Variants in VPS13B observed in about 807,000 individuals in gnomAD.
The protein encoded by VPS13B is vacuolar protein sorting 13 homolog B, also known as intermembrane lipid transfer protein VPS13B.
A neutral mutation model predicts 426.4 loss-of-function variants in VPS13B; 285 were observed. The observed-to-expected ratio is 0.67, with a 90% CI of 0.61 to 0.74. The LOEUF is 0.74. Among genes scored for constraint, VPS13B ranks in the 30% least tolerant of loss-of-function variants. VPS13B has a pLI of 0.00. For synonymous variants in VPS13B, 1,676 were observed against 1,676.4 expected (o/e 1.00, Z 0.01); for missense variants, 4,537 against 4,782.6 (o/e 0.95, Z 1.51).
At chr8:99,862,020 A>G (rs887295602) in intron 58 of VPS13B, 74 bp downstream of exon 58, 6 of 1,483,458 alleles carry the variant, frequency 4.0e-6, no homozygotes, top group Non-Finnish European at 4.5e-6. Flanking sequence ...GGACTGGGCA[A>G]CTTCGCCTTC....
chr8:99,418,748 C>T (rs1210529118), intron 21 of VPS13B, among the ~76,000 whole-genome samples: 6 of 151,962 alleles, frequency 3.9e-5, no homozygotes, highest in Non-Finnish European at 4.4e-5. Context: ...ATGAAATTTT[C>T]GGAATAAAGG....
At chr8:99,233,220 G>T in intron 17 of VPS13B, 1 of 1,292,878 alleles carries the variant, frequency 7.7e-7, no homozygotes. Flanking sequence ...GAGGCACAAT[G>T]ATTTCTGCAC....
intron 16 of VPS13B, among the ~76,000 whole-genome samples, chr8:99,181,173 A>G (rs573442710): frequency 9.1e-4 from 139 of 152,356 alleles, no homozygotes; most frequent in African/African-American, 3.2e-3. Flanking sequence ...TGTTACACTC[A>G]TACCAGTTAG....
At chr8:99,100,542 G>A (rs1846678090) in intron 4 of VPS13B, among the ~76,000 whole-genome samples, 1 of 151,922 alleles carries the variant, frequency 6.6e-6, no homozygotes, top group South Asian at 2.1e-4. Flanking sequence ...TGTCTGCTTC[G>A]GCCTCCCAAA....
At chr8:99,696,557 C>T in intron 35 of VPS13B, 1 of 509,230 alleles carries the variant, frequency 2.0e-6, no homozygotes, top group Admixed American at 2.9e-5. Context: ...TGAAGCTCTT[C>T]CCCAGCATGC....
In VPS13B at chr8:99,121,261, AG is replaced by A; in HGVS notation, c.1023del (p.Gln341HisfsTer17). The A allele has an allele frequency of 1.2e-6, 2 of 1,614,206 alleles. No homozygotes were observed. Among genetic ancestry groups the A allele is most frequent in the Non-Finnish European group, 1.7e-6 (2 of 1,180,026 alleles). On this transcript the variant is annotated frameshift_variant, in exon 8 of 62. Coordinates refer to ENST00000357162, the MANE Select transcript of VPS13B (RefSeq NM_152564.5). LOFTEE classifies it high-confidence loss of function. ...TTATATTCACAGCAAGATGAGGAGCAGCCACAGGGATGGGTGTCATGGGCCT... is the reference window on the plus strand; with the variant it reads ...TTATATTCACAGCAAGATGAGGAGCACCACAGGGATGGGTGTCATGGGCCT... ...QELYSQQDEE[Q>X]PQGWVSWAWS...
chr8:99,536,895 A>T (rs1156243608), intron 30 of VPS13B: 2 of 466,010 alleles, frequency 4.3e-6, no homozygotes, highest in Non-Finnish European at 8.9e-6. Flanking sequence ...AGGGAAAAAA[A>T]GTAACATGCA....
chr8:99,016,739 C>T (rs1377433244), intron 2 of VPS13B, among the ~76,000 whole-genome samples: 7 of 151,646 alleles, frequency 4.6e-5, no homozygotes, highest in South Asian at 2.1e-4. Flanking sequence ...TGCAGGCGCC[C>T]GCCACCATGC....
intron 19 of VPS13B, among the ~76,000 whole-genome samples, chr8:99,288,892 T>G (rs1212842870): frequency 6.6e-6 from 1 of 152,040 alleles, no homozygotes; most frequent in Non-Finnish European, 1.5e-5. Context: ...AGATATTGAT[T>G]GTCATAGTTA....
rs190436302 is a variant in VPS13B at position 99,755,715 on chromosome 8, G to T, written c.7051-11059G>T. Reference sequence around the variant, plus strand: ...AGCCAGGAGGCAGAGGTTGCAGTGAGCCAAGATCGTGCCACTGCCCTGCAG... The same window carrying T: ...AGCCAGGAGGCAGAGGTTGCAGTGATCCAAGATCGTGCCACTGCCCTGCAG... On this transcript the variant is annotated intron_variant, in intron 39 of 61. Coordinates refer to ENST00000357162, the MANE Select transcript of VPS13B (RefSeq NM_152564.5). Among the ~76,000 whole-genome samples the T allele has an allele frequency of 1.4e-4, 22 of 152,260 alleles. 1 individual carries two copies. The East Asian group carries it at 4.2e-3, about 29-fold the overall frequency.
intron 17 of VPS13B, among the ~76,000 whole-genome samples, chr8:99,202,119 A>G (rs968799468): frequency 2.6e-5 from 4 of 152,234 alleles, no homozygotes; most frequent in Non-Finnish European, 4.4e-5. Context: ...CTGAGATAAC[A>G]ACAGTCAGAA....
intron 3 of VPS13B, among the ~76,000 whole-genome samples, chr8:99,058,348 C>A (rs1487865775): frequency 6.6e-6 from 1 of 150,678 alleles, no homozygotes; most frequent in African/African-American, 2.4e-5. Flanking sequence ...TATGAAAACC[C>A]TAAAATCTAT....
chr8:99,564,372 G>A (rs190059073), intron 31 of VPS13B, among the ~76,000 whole-genome samples: 3 of 152,260 alleles, frequency 2.0e-5, no homozygotes, highest in Admixed American at 2.0e-4. Context: ...ACTTGACCTG[G>A]TTAAAAACTT....
At chr8:99,417,642 C>G (rs1295357247) in intron 21 of VPS13B, among the ~76,000 whole-genome samples, 2 of 152,126 alleles carry the variant, frequency 1.3e-5, no homozygotes, top group Non-Finnish European at 2.9e-5. Flanking sequence ...CTATATATAA[C>G]TTGAACATTG....
chr8:99,380,172 T>G (rs1348535096), intron 19 of VPS13B, among the ~76,000 whole-genome samples: 1 of 152,176 alleles, frequency 6.6e-6, no homozygotes, highest in African/African-American at 2.4e-5. Flanking sequence ...CAGTCTTTGC[T>G]GTAGTAGAGC....
intron 21 of VPS13B, among the ~76,000 whole-genome samples, chr8:99,397,932 T>G (rs955217900): frequency 6.6e-6 from 1 of 152,228 alleles, no homozygotes; most frequent in Non-Finnish European, 1.5e-5. Flanking sequence ...GCCATGTACC[T>G]GGCTACAACT....
intron 17 of VPS13B, among the ~76,000 whole-genome samples, chr8:99,207,698 G>A (rs1366472822): frequency 6.6e-6 from 1 of 152,114 alleles, no homozygotes; most frequent in Non-Finnish European, 1.5e-5. Flanking sequence ...AGATAAATGA[G>A]TTAGATTTCT....
chr8:99,540,155 C>T (rs1285227267), intron 30 of VPS13B, among the ~76,000 whole-genome samples: 1 of 134,404 alleles, frequency 7.4e-6, no homozygotes, highest in Non-Finnish European at 1.5e-5. Flanking sequence ...TCTCGACTCA[C>T]TGCAAACTCC....
chr8:99,410,169 C>T (rs1341927625), intron 21 of VPS13B, among the ~76,000 whole-genome samples: 1 of 152,182 alleles, frequency 6.6e-6, no homozygotes, highest in Non-Finnish European at 1.5e-5. Flanking sequence ...AGAACTTTCA[C>T]TTCTAAAACT....
Sources: allele counts gnomAD v4.1 joint callset (sites outside exome capture counted in the v4.1 genomes callset), GRCh38; gene constraint gnomAD v4.1.1; transcripts MANE v1.5; gene names NCBI Gene and HGNC (gene_info 2026-07-23, HGNC 2026-07-21).